Variants in TMEM132D observed in about 807,000 individuals in gnomAD.
TMEM132D encodes mature OL transmembrane protein.
Under a neutral mutation model 62.3 loss-of-function variants are expected in TMEM132D, and 21 were observed. The ratio of observed to expected loss-of-function variants is 0.34; its 90% confidence interval spans 0.24 to 0.49. The LOEUF (loss-of-function observed/expected upper bound fraction) is 0.49, where lower values mean the gene tolerates loss of function less well. TMEM132D is among the 20% of genes least tolerant of loss of function. The pLI is 0.99. For synonymous variants in TMEM132D, 621 were observed against 575.6 expected (o/e 1.08, Z -1.13); for missense variants, 1,346 against 1,402.8 (o/e 0.96, Z 0.65).
chr12:129,744,604 C>A (rs1871966793), intron 1 of TMEM132D, among the ~76,000 whole-genome samples: 2 of 152,168 alleles, frequency 1.3e-5, no homozygotes, highest in African/African-American at 4.8e-5. Flanking sequence ...GACTGAGCTG[C>A]TTAGGCCTCT....
rs1566078686 is a variant in TMEM132D, at chr12:129,466,279, C to CTGTTTTT, written c.1115+64779_1115+64780insAAAAACA. Among the ~76,000 whole-genome samples the CTGTTTTT allele has an allele frequency of 2.0e-5, 2 of 100,398 alleles. 1 individual carries two copies. The highest frequency in any genetic ancestry group is 3.9e-5 in the Non-Finnish European group (2 of 51,238). 65.9% of individuals were successfully genotyped at this position (100,398 alleles called of 152,430 possible). ...TATAACAGTGGCTGGTAGATTTTTC[C>CTGTTTTT]TTTTTTTTTTTTTTTTTTTTTTTTT... is the stretch of plus-strand genomic sequence containing the variant. On this transcript the variant is annotated intron_variant, in intron 3 of 8. Coordinates refer to ENST00000422113, the MANE Select transcript of TMEM132D (RefSeq NM_133448.3).
chr12:129,519,579 C>CA (rs34772137), intron 3 of TMEM132D, among the ~76,000 whole-genome samples: 87,987 of 151,400 alleles, frequency 0.58, 26,328 homozygotes, highest in East Asian at 0.89. Flanking sequence ...ATTGTCAAAG[C>CA]AATCTATGAC....
At chr12:129,746,973 T>C (rs1281172721) in intron 1 of TMEM132D, among the ~76,000 whole-genome samples, 3 of 152,168 alleles carry the variant, frequency 2.0e-5, no homozygotes, top group Admixed American at 6.5e-5. Context: ...ACAACTTCTC[T>C]GGCCCCGTCT....
intron 2 of TMEM132D, among the ~76,000 whole-genome samples, chr12:129,637,021 C>T (rs12580739): frequency 1.3e-5 from 2 of 152,040 alleles, no homozygotes; most frequent in Non-Finnish European, 2.9e-5. Flanking sequence ...TGATACACAC[C>T]TAATTTTCAG....
intron 3 of TMEM132D, among the ~76,000 whole-genome samples, chr12:129,429,071 AAAATCCTTC>A (rs1221719194): frequency 6.6e-6 from 1 of 150,738 alleles, no homozygotes; most frequent in Non-Finnish European, 1.5e-5. Flanking sequence ...ACTGTAGTCC[AAAATCCTTC>A]AAGTTACTCA....
At chr12:129,428,211 T>C (rs892099588) in intron 3 of TMEM132D, among the ~76,000 whole-genome samples, 2 of 152,246 alleles carry the variant, frequency 1.3e-5, no homozygotes, top group Admixed American at 6.5e-5. Context: ...TAAAATTGGA[T>C]ACTTTAAAAG....
In TMEM132D at chr12:129,623,654, T is replaced by TATATATATACATATATATACAC. The variant is rs1565926796; in HGVS notation, c.968+76134_968+76155dup. 8.8e-3 allele frequency among the ~76,000 whole-genome samples: 1,299 copies of TATATATATACATATATATACAC among 147,280 alleles called. 27 individuals are homozygous for TATATATATACATATATATACAC. The highest frequency in any genetic ancestry group is 0.031 in the African/African-American group (1,237 of 39,554). On this transcript the variant is annotated intron_variant, in intron 2 of 8. Coordinates refer to ENST00000422113, the MANE Select transcript of TMEM132D (RefSeq NM_133448.3). ...CATGGTGTGTGTGTGTATGTGTGTA[T>TATATATATACATATATATACAC]ATATATATACATATATATACACATA... is the stretch of plus-strand genomic sequence containing the variant.
intron 3 of TMEM132D, among the ~76,000 whole-genome samples, chr12:129,375,250 G>A (rs1325166422): frequency 2.0e-5 from 3 of 152,152 alleles, no homozygotes; most frequent in Admixed American, 6.5e-5. Flanking sequence ...AAATTATTCA[G>A]TACAGCAGTT....
intron 5 of TMEM132D, among the ~76,000 whole-genome samples, chr12:129,130,342 C>T (rs200980147): frequency 6.8e-6 from 1 of 147,870 alleles, no homozygotes; most frequent in African/African-American, 2.5e-5. Context: ...GAGACCCCCC[C>T]GCCCGCCACA....
At chr12:129,816,822 A>G (rs1404828390) in intron 1 of TMEM132D, among the ~76,000 whole-genome samples, 1 of 152,248 alleles carries the variant, frequency 6.6e-6, no homozygotes, top group East Asian at 1.9e-4. Flanking sequence ...ACGAACGCAG[A>G]TGATGTTCTC....
chr12:129,809,951 G>C (rs1872118572), intron 1 of TMEM132D, among the ~76,000 whole-genome samples: 1 of 152,096 alleles, frequency 6.6e-6, no homozygotes, highest in Admixed American at 6.6e-5. Flanking sequence ...GACTAAAATG[G>C]AAAGTAAATG....
In TMEM132D at chr12:129,074,713, T is replaced by C. The variant is rs981706165; in HGVS notation, c.2462A>G (p.Asn821Ser). The stretch of plus-strand genomic sequence containing the variant: ...TTTTTTGGGCCTTCTGTCACTGACA[T>C]TGTTTTCCATGTGAACCCCTGCCCC... ...HTGAGVHMEN[N>S]VSDRRPKKPS... is the part of the protein sequence containing the mutation. The change falls in exon 9 of 9, where the codon AAT (asparagine) becomes AGT (serine). Residue 821 changes from asparagine (N) to serine (S), a missense_variant. Transcript: ENST00000422113. 8 of 1,614,034 alleles carry C rather than the reference T, an allele frequency of 5.0e-6. No individual in the cohort carries two copies. The African/African-American group carries it at 9.3e-5, about 19-fold the overall frequency.
At position 129,209,585 on chromosome 12, in the gene TMEM132D, C is replaced by A. The variant is rs12816538; in HGVS notation, c.1378G>T (p.Asp460Tyr). Residue 460 changes from aspartate to tyrosine, a missense_variant, in exon 5 of 9, where the codon GAC becomes TAC. Physicochemically the swap from Asp to Tyr is radical, Grantham distance 160. Coordinates refer to ENST00000422113, the MANE Select transcript of TMEM132D (RefSeq NM_133448.3). ...TCCAGCAGCTCTGTCACTGTGCCGT[C>A]GTCCTCCACGGAGACCACTTTCACC... is the stretch of plus-strand genomic sequence containing the variant. Reference protein sequence around the residue: ...VPVKVVSVEDDGTVTELLESV... With the variant: ...VPVKVVSVEDYGTVTELLESV... The A allele has an allele frequency of 1.2e-6, 2 of 1,614,198 alleles. No homozygotes were observed. The highest frequency in any genetic ancestry group is 8.5e-7 in the Non-Finnish European group (1 of 1,180,024).
chr12:129,818,905 T>G (rs1036331138), intron 1 of TMEM132D, among the ~76,000 whole-genome samples: 1 of 151,962 alleles, frequency 6.6e-6, no homozygotes, highest in Admixed American at 6.6e-5. Flanking sequence ...CGTGGTGGCC[T>G]GCACCTGTAG....
chr12:129,351,904 A>AT (rs1264722787), intron 3 of TMEM132D, among the ~76,000 whole-genome samples: 1 of 152,158 alleles, frequency 6.6e-6, no homozygotes, highest in Non-Finnish European at 1.5e-5. Context: ...TCTACCCTGA[A>AT]TGCAAGACAC....
intron 3 of TMEM132D, among the ~76,000 whole-genome samples, chr12:129,384,309 T>C (rs1028963673): frequency 6.6e-6 from 1 of 152,156 alleles, no homozygotes; most frequent in African/African-American, 2.4e-5. Flanking sequence ...GGCAACACAT[T>C]GTGTCACAGA....
intron 2 of TMEM132D, among the ~76,000 whole-genome samples, chr12:129,683,949 C>T (rs1880845566): frequency 6.6e-6 from 1 of 152,120 alleles, no homozygotes; most frequent in African/African-American, 2.4e-5. Context: ...ATCAGGTAGA[C>T]CTATAGTACA....
At chr12:129,775,086 A>C (rs1040055897) in intron 1 of TMEM132D, among the ~76,000 whole-genome samples, 4 of 152,232 alleles carry the variant, frequency 2.6e-5, no homozygotes, top group Non-Finnish European at 2.9e-5. Context: ...TTCTTAGAAC[A>C]CAAAACAATC....
At chr12:129,820,284 C>T (rs912107148) in intron 1 of TMEM132D, among the ~76,000 whole-genome samples, 2 of 152,144 alleles carry the variant, frequency 1.3e-5, no homozygotes, top group African/African-American at 4.8e-5. Flanking sequence ...CAAGGCCCCT[C>T]TCCACCCATT....
Sources: gnomAD v4.1 joint callset for allele counts (sites outside exome capture counted in the v4.1 genomes callset) on GRCh38, gnomAD v4.1.1 for gene constraint, MANE v1.5 for transcripts, NCBI Gene and HGNC (gene_info 2026-07-23, HGNC 2026-07-21) for gene names.